Variants in ITGA1 observed in about 807,000 individuals in gnomAD.
ITGA1 encodes the protein integrin subunit alpha 1, also known as integrin alpha-1.
A neutral mutation model predicts 145.9 loss-of-function variants in ITGA1; 85 were observed. That is an observed-to-expected ratio of 0.58 (90% CI 0.49 to 0.70). The LOEUF is 0.70. Among genes scored for constraint, ITGA1 ranks in the 30% least tolerant of loss-of-function variants. The pLI, the probability that ITGA1 is intolerant of heterozygous loss-of-function variation, is 0.00. For missense variants in ITGA1, 1,351 were observed against 1,418.7 expected, an observed-to-expected ratio of 0.95 and a Z score of 0.77; for synonymous variants, 520 against 495.3, an observed-to-expected ratio of 1.05 and a Z score of -0.66.
At chr5:52,875,967 G>A (rs1431441394) in intron 6 of ITGA1, among the ~76,000 whole-genome samples, 1 of 151,894 alleles carries the variant, frequency 6.6e-6, no homozygotes, top group Non-Finnish European at 1.5e-5. Flanking sequence ...TTTCCAGGCT[G>A]AGGGCCACTT....
chr5:52,881,121 T>A (rs1377760363), intron 6 of ITGA1, among the ~76,000 whole-genome samples: 3 of 151,994 alleles, frequency 2.0e-5, no homozygotes, highest in Admixed American at 6.6e-5. Flanking sequence ...GGAAAGAAGG[T>A]GGAGTTGGGA....
intron 28 of ITGA1, among the ~76,000 whole-genome samples, chr5:52,948,174 T>C (rs1319438417): frequency 6.6e-6 from 1 of 152,200 alleles, no homozygotes; most frequent in Non-Finnish European, 1.5e-5. Context: ...AATTTTCACA[T>C]TAAGTAGAAT....
chr5:52,805,803 A>G (rs2111675435), intron 1 of ITGA1, among the ~76,000 whole-genome samples: 1 of 152,162 alleles, frequency 6.6e-6, no homozygotes, highest in East Asian at 1.9e-4. Context: ...TCAGAGATAC[A>G]CTTCCCCTTT....
At chr5:52,855,921 A>G (rs1749505334) in intron 2 of ITGA1, among the ~76,000 whole-genome samples, 1 of 152,080 alleles carries the variant, frequency 6.6e-6, no homozygotes, top group Non-Finnish European at 1.5e-5. Flanking sequence ...TATTGGTCCC[A>G]ACTCCCAAAC....
At chr5:52,838,933 C>CA (rs770457228) in intron 1 of ITGA1, among the ~76,000 whole-genome samples, 1 of 152,028 alleles carries the variant, frequency 6.6e-6, no homozygotes, top group Non-Finnish European at 1.5e-5. Context: ...CTTTTCTATA[C>CA]AAAAAATACA....
intron 1 of ITGA1, among the ~76,000 whole-genome samples, chr5:52,794,493 A>G (rs1489135842): frequency 7.9e-6 from 1 of 126,006 alleles, no homozygotes; most frequent in East Asian, 2.1e-4. Context: ...ATACATGCAA[A>G]TAGAAATACA....
At chr5:52,943,668 C>T (rs1467616624) in intron 26 of ITGA1, among the ~76,000 whole-genome samples, 1 of 152,162 alleles carries the variant, frequency 6.6e-6, no homozygotes, top group Non-Finnish European at 1.5e-5. Context: ...AGATAGGTGA[C>T]ACCTTTTCCG....
intron 1 of ITGA1, among the ~76,000 whole-genome samples, chr5:52,837,881 A>T (rs1169540746): frequency 6.6e-6 from 1 of 152,216 alleles, no homozygotes; most frequent in Non-Finnish European, 1.5e-5. Context: ...AAAAGAAAGC[A>T]TCAAAAAGTT....
Position 52,927,588 on chromosome 5 carries a change from T to G in ITGA1, c.2618T>G (p.Ile873Ser). 6.2e-7 allele frequency: 1 copy of G among 1,606,876 alleles called. No individual in the cohort carries two copies. The highest frequency in any genetic ancestry group is 8.5e-7 in the Non-Finnish European group (1 of 1,175,030). Residue 873 changes from isoleucine (I) to serine (S), a missense_variant, in exon 20 of 29, where the codon ATC becomes AGC. Ile to Ser is a moderately radical substitution (Grantham distance 142). Coordinates refer to ENST00000282588, the MANE Select transcript of ITGA1 (RefSeq NM_181501.2). Reference sequence around the variant, plus strand: ...CTGTTTGCTTTCTCTTCCTAGGCTATCCAAAAAGACAGTTGTGAATCTAAT... The same window carrying G: ...CTGTTTGCTTTCTCTTCCTAGGCTAGCCAAAAAGACAGTTGTGAATCTAAT... ...PNLVFSGIEA[I>S]QKDSCESNHN... is the part of the protein sequence containing the mutation.
chr5:52,889,131 C>T (rs746826608), intron 8 of ITGA1, among the ~76,000 whole-genome samples: 23 of 151,352 alleles, frequency 1.5e-4, no homozygotes, highest in South Asian at 2.1e-4. Context: ...AATGGAGTCT[C>T]GCTCTGTCAC....
chr5:52,803,268 T>TGTA (rs1406466777), intron 1 of ITGA1: 1 of 152,202 alleles, frequency 6.6e-6, no homozygotes, highest in Non-Finnish European at 1.5e-5. Context: ...TGTATATTTT[T>TGTA]GTACATCTAT....
At chr5:52,854,154 A>G (rs931628515) in intron 2 of ITGA1, among the ~76,000 whole-genome samples, 23 of 152,066 alleles carry the variant, frequency 1.5e-4, no homozygotes, top group African/African-American at 5.1e-4. Context: ...ATGTTTATCA[A>G]TTATCTTGAC....
At chr5:52,947,283 C>T in intron 27 of ITGA1, 62 bp from the exon 28 acceptor site, 1 of 967,916 alleles carries the variant, frequency 1.0e-6, no homozygotes, top group Non-Finnish European at 1.7e-6. Context: ...TGCAAGAACT[C>T]AATGTTCCAG....
At chr5:52,922,475 G>T (rs995467440) in intron 17 of ITGA1, among the ~76,000 whole-genome samples, 1 of 152,160 alleles carries the variant, frequency 6.6e-6, no homozygotes, top group Non-Finnish European at 1.5e-5. Context: ...ATATTGTGAT[G>T]CAGGTAGCTC....
intron 26 of ITGA1, among the ~76,000 whole-genome samples, chr5:52,941,239 T>C (rs560899917): frequency 2.0e-5 from 3 of 152,230 alleles, no homozygotes; most frequent in African/African-American, 7.2e-5. Context: ...GCAATGAAGA[T>C]ATGACCGCAC....
intron 2 of ITGA1, among the ~76,000 whole-genome samples, chr5:52,859,000 T>C (rs1339817017): frequency 6.6e-6 from 1 of 152,170 alleles, no homozygotes; most frequent in African/African-American, 2.4e-5. Context: ...TGAACTCATA[T>C]AGGCTGGCAC....
intron 1 of ITGA1, among the ~76,000 whole-genome samples, chr5:52,834,686 A>AGAAGGGGAAGGAAG (rs560162466): frequency 2.0e-5 from 3 of 151,774 alleles, no homozygotes; most frequent in African/African-American, 7.3e-5. Flanking sequence ...AGAGAAAGAA[A>AGAAGGGGAAGGAAG]GAAGGGGAAG....
intron 16 of ITGA1, among the ~76,000 whole-genome samples, chr5:52,919,404 T>A (rs1305006666): frequency 6.6e-6 from 1 of 152,154 alleles, no homozygotes; most frequent in Non-Finnish European, 1.5e-5. Flanking sequence ...ACTTGTTCTG[T>A]GTGTGTGTTC....
At chr5:52,912,465 T>C (rs1414027143) in intron 14 of ITGA1, among the ~76,000 whole-genome samples, 1 of 144,114 alleles carries the variant, frequency 6.9e-6, no homozygotes, top group Non-Finnish European at 1.5e-5. Flanking sequence ...AGGTATTATA[T>C]ATAGTGTATC....
Sources: gnomAD v4.1 joint callset for allele counts (sites outside exome capture counted in the v4.1 genomes callset) on GRCh38, gnomAD v4.1.1 for gene constraint, MANE v1.5 for transcripts, NCBI Gene and HGNC (gene_info 2026-07-23, HGNC 2026-07-21) for gene names.